Variants in MB21D2 observed in about 807,000 individuals in gnomAD.
MB21D2 encodes Mab-21 domain containing 2.
In MB21D2, 9 loss-of-function variants were observed where a neutral mutation model predicts 33.3. That is an observed-to-expected ratio of 0.27 (90% CI 0.16 to 0.47). The LOEUF (loss-of-function observed/expected upper bound fraction) is 0.47, where lower values mean the gene tolerates loss of function less well. MB21D2 is among the 20% of genes least tolerant of loss of function. The probability of loss-of-function intolerance (pLI) is 0.99; values close to 1 mark genes in which losing one functional copy is unlikely to be tolerated. For synonymous variants in MB21D2, 241 were observed against 236.3 expected, an observed-to-expected ratio of 1.02 and a Z score of -0.18; for missense variants, 540 against 624.6, an observed-to-expected ratio of 0.86 and a Z score of 1.44.
At chr3:192,808,259 C>G (rs1711708566) in intron 1 of MB21D2, among the ~76,000 whole-genome samples, 1 of 152,164 alleles carries the variant, frequency 6.6e-6, no homozygotes, top group Non-Finnish European at 1.5e-5. Flanking sequence ...AGCTCCCACA[C>G]TAATCAGATA....
chr3:192,840,202 G>A (rs538859023), intron 1 of MB21D2, among the ~76,000 whole-genome samples: 7 of 152,202 alleles, frequency 4.6e-5, no homozygotes, highest in South Asian at 4.1e-4. Context: ...AATTCGAGGC[G>A]TTCAAGTTTC....
intron 1 of MB21D2, among the ~76,000 whole-genome samples, chr3:192,905,266 A>G (rs1265365900): frequency 1.3e-5 from 2 of 152,164 alleles, no homozygotes; most frequent in Non-Finnish European, 2.9e-5. Context: ...GATGGGGTAG[A>G]AAAGCTGTTG....
At chr3:192,901,009 T>C (rs1257426591) in intron 1 of MB21D2, among the ~76,000 whole-genome samples, 2 of 151,324 alleles carry the variant, frequency 1.3e-5, no homozygotes, top group Non-Finnish European at 2.9e-5. Context: ...GAAGGATGGA[T>C]GTATGAATGC....
In MB21D2 at chr3:192,797,221, C is replaced by A. The variant is rs1210029554; in HGVS notation, c.*1165G>T. ...TCCTGGGTGCTGCTCTATAGCAATA[C>A]CTGCTTTTGAACAGACGTGGTATCT... On this transcript the variant is annotated 3_prime_UTR_variant, in exon 2 of 2. Coordinates refer to ENST00000392452, the MANE Select transcript of MB21D2 (RefSeq NM_178496.4). The A allele has an allele frequency of 6.6e-6, 1 of 152,588 alleles. No individual in the cohort carries two copies. The highest frequency in any genetic ancestry group is 2.4e-5 in the African/African-American group (1 of 41,442). 9.5% of individuals were successfully genotyped at this position (152,588 alleles called of 1,614,324 possible).
Position 192,799,799 on chromosome 3 carries a change from A to C in MB21D2, c.212-149T>G, listed in dbSNP as rs1711517858. The C allele has an allele frequency of 6.1e-6, 5 of 818,490 alleles. No individual in the cohort carries two copies. The highest frequency in any genetic ancestry group is 7.4e-6 in the Non-Finnish European group (4 of 539,670). The allele number at this position is 818,490 out of a possible 1,614,324, so 50.7% of individuals were successfully genotyped here. On this transcript the variant is annotated intron_variant, in intron 1 of 1. Coordinates refer to ENST00000392452, the MANE Select transcript of MB21D2 (RefSeq NM_178496.4). This position sits in a 1 kb window ranked among gnomAD's most constrained non-coding sequence, Gnocchi z 4.1. The stretch of plus-strand genomic sequence containing the variant: ...TCAGGCTGCTGCAGAGACCTGGCCA[A>C]CAGTACTTTCTCACTAGTGCTAGAA...
chr3:192,809,812 G>A (rs948704465), intron 1 of MB21D2, among the ~76,000 whole-genome samples: 12 of 152,206 alleles, frequency 7.9e-5, no homozygotes, highest in East Asian at 3.9e-4. Flanking sequence ...ACACGTGTGC[G>A]TGTGCATCTG....
chr3:192,911,341 A>G (rs1016674457), intron 1 of MB21D2, among the ~76,000 whole-genome samples: 2 of 152,096 alleles, frequency 1.3e-5, no homozygotes, highest in Admixed American at 6.6e-5. Flanking sequence ...CTCACTCACT[A>G]TGCCTTTTTG....
At chr3:192,898,926 T>G (rs1714035108) in intron 1 of MB21D2, among the ~76,000 whole-genome samples, 1 of 152,176 alleles carries the variant, frequency 6.6e-6, no homozygotes, top group South Asian at 2.1e-4. Flanking sequence ...ATCAAAGGCC[T>G]CTGTGGGCAG....
chr3:192,855,398 A>G (rs1364959709), intron 1 of MB21D2, among the ~76,000 whole-genome samples: 3 of 152,274 alleles, frequency 2.0e-5, no homozygotes, highest in East Asian at 1.9e-4. Flanking sequence ...TGCCCAGCCA[A>G]TAAGGTATTT....
chr3:192,913,528 T>C (rs1042568898), intron 1 of MB21D2, among the ~76,000 whole-genome samples: 9 of 152,024 alleles, frequency 5.9e-5, no homozygotes, highest in Non-Finnish European at 1.3e-4. Context: ...CCATGTTTAA[T>C]AAATGAAAAA....
intron 1 of MB21D2, among the ~76,000 whole-genome samples, chr3:192,802,045 C>A (rs550633854): frequency 6.6e-6 from 1 of 152,124 alleles, no homozygotes; most frequent in Admixed American, 6.5e-5. Context: ...CACTGTGATA[C>A]GGCATCCAGG....
At chr3:192,900,708 C>A (rs895420196) in intron 1 of MB21D2, among the ~76,000 whole-genome samples, 1 of 151,894 alleles carries the variant, frequency 6.6e-6, no homozygotes, top group African/African-American at 2.4e-5. Context: ...TTTAGGAGGC[C>A]GAGGCGAGCA....
At chr3:192,882,934 T>A (rs1713638027) in intron 1 of MB21D2, among the ~76,000 whole-genome samples, 1 of 152,038 alleles carries the variant, frequency 6.6e-6, no homozygotes, top group Admixed American at 6.5e-5. Context: ...GGCTTTGCCA[T>A]GTTGGCCAGG....
intron 1 of MB21D2, among the ~76,000 whole-genome samples, chr3:192,878,661 G>A (rs1713494180): frequency 6.6e-6 from 1 of 152,182 alleles, no homozygotes; most frequent in East Asian, 1.9e-4. Flanking sequence ...CTAGCCATGG[G>A]ATGGGTGTTT....
intron 1 of MB21D2, among the ~76,000 whole-genome samples, chr3:192,830,233 T>TGTGTGTGA (rs1453060189): frequency 1.0e-5 from 1 of 100,268 alleles, no homozygotes; most frequent in African/African-American, 5.4e-5. Flanking sequence ...CAAAGATGAG[T>TGTGTGTGA]GTGTGTGAGT....
chr3:192,859,017 A>G (rs1359542228), intron 1 of MB21D2, among the ~76,000 whole-genome samples: 1 of 152,150 alleles, frequency 6.6e-6, no homozygotes, highest in Non-Finnish European at 1.5e-5. Context: ...TAAGGTTGAG[A>G]AAACTAAGCC....
At chr3:192,815,180 A>T (rs1711893749) in intron 1 of MB21D2, among the ~76,000 whole-genome samples, 1 of 152,236 alleles carries the variant, frequency 6.6e-6, no homozygotes, top group African/African-American at 2.4e-5. Context: ...TCCCCACACA[A>T]AGAATGAATA....
At chr3:192,911,502 C>T (rs147313957) in intron 1 of MB21D2, among the ~76,000 whole-genome samples, 1 of 152,302 alleles carries the variant, frequency 6.6e-6, no homozygotes, top group Non-Finnish European at 1.5e-5. Flanking sequence ...AACATCAAGC[C>T]TAACACAGGA....
chr3:192,865,911 G>A (rs1713156883), intron 1 of MB21D2, among the ~76,000 whole-genome samples: 1 of 152,076 alleles, frequency 6.6e-6, no homozygotes, highest in Admixed American at 6.6e-5. Flanking sequence ...TGGGTGTGGT[G>A]GCTTATGCCT....
Sources: gnomAD v4.1 joint callset for allele counts (sites outside exome capture counted in the v4.1 genomes callset) on GRCh38, gnomAD v4.1.1 for gene constraint, Gnocchi (gnomAD v3.1) non-coding constraint, MANE v1.5 for transcripts, NCBI Gene and HGNC (gene_info 2026-07-23, HGNC 2026-07-21) for gene names.